SGCD: variants seen among roughly 807,000 people sequenced by gnomAD.
The protein encoded by SGCD is sarcoglycan delta, also known as delta-sarcoglycan.
A neutral mutation model predicts 36.6 loss-of-function variants in SGCD; 18 were observed. The observed-to-expected ratio is 0.49, with a 90% CI of 0.34 to 0.73. The LOEUF (loss-of-function observed/expected upper bound fraction) is 0.73, where lower values mean the gene tolerates loss of function less well. Among genes scored for constraint, SGCD ranks in the 30% least tolerant of loss-of-function variants. The pLI is 0.01. For synonymous variants in SGCD, 133 were observed against 130.6 expected (o/e 1.02, Z -0.12); for missense variants, 387 against 346.7 (o/e 1.12, Z -0.92).
At chr5:156,715,096 C>A (rs1166125690) in intron 7 of SGCD, among the ~76,000 whole-genome samples, 1 of 152,196 alleles carries the variant, frequency 6.6e-6, no homozygotes, top group Non-Finnish European at 1.5e-5. Flanking sequence ...AGTAGCGAAG[C>A]TTCAGGAAAC....
chr5:156,741,186 T>C (rs1333808937), intron 7 of SGCD, among the ~76,000 whole-genome samples: 1 of 152,194 alleles, frequency 6.6e-6, no homozygotes, highest in African/African-American at 2.4e-5. Context: ...TAAAAGCTTG[T>C]CTAGGTTTGG....
chr5:156,380,893 C>T (rs759179115), intron 3 of SGCD, among the ~76,000 whole-genome samples: 3 of 152,034 alleles, frequency 2.0e-5, no homozygotes, highest in South Asian at 2.1e-4. Context: ...TCTCGTAAGT[C>T]GAGTAGAAGA....
At chr5:156,257,633 G>A (rs1276999451) in intron 3 of SGCD, among the ~76,000 whole-genome samples, 1 of 152,168 alleles carries the variant, frequency 6.6e-6, no homozygotes, top group Admixed American at 6.6e-5. Flanking sequence ...GGAGGCTGTG[G>A]CAGGTGGGTC....
intron 1 of SGCD, among the ~76,000 whole-genome samples, chr5:156,116,225 C>T (rs32381): frequency 0.45 from 68,269 of 151,610 alleles, 16,257 homozygotes; most frequent in African/African-American, 0.6. Flanking sequence ...TTTTCTGTCT[C>T]CTTTTTTTCT....
chr5:156,481,642 A>G (rs1233065944), intron 3 of SGCD, among the ~76,000 whole-genome samples: 1 of 152,144 alleles, frequency 6.6e-6, no homozygotes, highest in East Asian at 1.9e-4. Context: ...GAGGGAGATA[A>G]TAATAGTACC....
intron 4 of SGCD, among the ~76,000 whole-genome samples, chr5:156,548,804 T>C (rs756127539): frequency 2.0e-5 from 3 of 151,596 alleles, no homozygotes; most frequent in Non-Finnish European, 2.9e-5. Flanking sequence ...ATAATAGGAG[T>C]CCACAAAAGG....
intron 7 of SGCD, among the ~76,000 whole-genome samples, chr5:156,677,969 A>G (rs542779846): frequency 1.3e-5 from 2 of 152,204 alleles, no homozygotes; most frequent in African/African-American, 2.4e-5. Context: ...TTTATTGTTC[A>G]TCTTATTTAT....
At chr5:155,767,147 G>A in the SGCD span, among the ~76,000 whole-genome samples, 7 of 152,182 alleles carry the variant, frequency 4.6e-5, no homozygotes, top group African/African-American at 9.6e-5. Flanking sequence ...GTGTAACTTC[G>A]CAGATGCTTC....
At chr5:156,074,498 G>A (rs528003178) in intron 1 of SGCD, among the ~76,000 whole-genome samples, 54 of 152,102 alleles carry the variant, frequency 3.6e-4, no homozygotes, top group Non-Finnish European at 6.3e-4. Context: ...CCTGGACAGC[G>A]TGGGGAAACC....
intron 6 of SGCD, among the ~76,000 whole-genome samples, chr5:156,600,866 C>A (rs1449443812): frequency 1.3e-5 from 2 of 152,106 alleles, no homozygotes; most frequent in East Asian, 3.8e-4. Flanking sequence ...ATACTCCTAA[C>A]TGGAGAGAGA....
chr5:156,347,018 C>T (rs1175439423), intron 3 of SGCD, among the ~76,000 whole-genome samples: 3 of 151,972 alleles, frequency 2.0e-5, no homozygotes, highest in Admixed American at 6.6e-5. Context: ...AGGATGGTCT[C>T]GATCTCCTGA....
chr5:155,982,490 C>T (rs1028691543), intron 1 of SGCD, among the ~76,000 whole-genome samples: 1 of 152,258 alleles, frequency 6.6e-6, no homozygotes, highest in Middle Eastern at 3.4e-3. Context: ...CTTGTTTGTA[C>T]TGCTTGGGCC....
chr5:155,956,413 G>T (rs1013491256), intron 1 of SGCD, among the ~76,000 whole-genome samples: 2 of 152,084 alleles, frequency 1.3e-5, no homozygotes, highest in Middle Eastern at 3.2e-3. Flanking sequence ...AATTACAAAT[G>T]CAGGGAGATT....
chr5:156,094,020 A>T (rs1281908368), intron 1 of SGCD, among the ~76,000 whole-genome samples: 1 of 152,180 alleles, frequency 6.6e-6, no homozygotes, highest in East Asian at 1.9e-4. Flanking sequence ...GCTCTGTGCA[A>T]ATCAGGTGCC....
chr5:155,783,274 A>C, the SGCD span, among the ~76,000 whole-genome samples: 1 of 152,322 alleles, frequency 6.6e-6, no homozygotes, highest in South Asian at 2.1e-4. Flanking sequence ...AGAGCTTTAC[A>C]AAGAAGGACG....
At chr5:155,865,734 C>A (rs990621396), upstream of SGCD, among the ~76,000 whole-genome samples, 2 of 152,176 alleles carry the variant, frequency 1.3e-5, no homozygotes, top group Non-Finnish European at 2.9e-5. Context: ...TTAAAAGTCA[C>A]ATGTGTTACT....
intron 1 of SGCD, among the ~76,000 whole-genome samples, chr5:155,961,570 A>T (rs1194559305): frequency 6.6e-6 from 1 of 152,130 alleles, no homozygotes; most frequent in African/African-American, 2.4e-5. Flanking sequence ...ACTAGTGAAG[A>T]TTAAAAATCC....
chr5:155,953,547 G>A (rs1186854724), intron 1 of SGCD, among the ~76,000 whole-genome samples: 2 of 152,134 alleles, frequency 1.3e-5, no homozygotes, highest in African/African-American at 4.8e-5. Context: ...CATGAGGCCA[G>A]TAACTTTTGG....
intron 1 of SGCD, among the ~76,000 whole-genome samples, chr5:155,953,386 C>A (rs149216671): frequency 4.7e-4 from 72 of 152,264 alleles, no homozygotes; most frequent in Admixed American, 9.2e-4. Context: ...TGATTGTACT[C>A]ATTCATCTAC....
Sources: gnomAD v4.1 joint callset for allele counts (sites outside exome capture counted in the v4.1 genomes callset) on GRCh38, gnomAD v4.1.1 for gene constraint, MANE v1.5 for transcripts, NCBI Gene and HGNC (gene_info 2026-07-23, HGNC 2026-07-21) for gene names.